The following CHIC1 variants were observed in gnomAD, a reference collection of about 807,000 sequenced individuals.
CHIC1 encodes the protein cysteine-rich hydrophobic domain-containing protein 1.
In CHIC1, 7 loss-of-function variants were observed where a neutral mutation model predicts 18.5. The ratio of observed to expected loss-of-function variants is 0.38; its 90% CI spans 0.22 to 0.71. The LOEUF is 0.71. CHIC1 is among the 30% of genes least tolerant of loss of function. The pLI, the probability that CHIC1 is intolerant of heterozygous loss-of-function variation, is 0.49. For synonymous variants in CHIC1, 77 were observed against 73.5 expected (o/e 1.05, Z -0.25); for missense variants, 159 against 176.9 (o/e 0.90, Z 0.57).
chrX:73,589,569 A>G (rs2057571115), intron 3 of CHIC1, among the ~76,000 whole-genome samples: 1 of 111,070 alleles, frequency 9.0e-6, no homozygotes, highest in Non-Finnish European at 1.9e-5. Flanking sequence ...TATATGTTAT[A>G]TATTGTGTGT....
chrX:73,654,307 C>T (rs1184620817), intron 3 of CHIC1, among the ~76,000 whole-genome samples: 2 of 111,967 alleles, frequency 1.8e-5, no homozygotes, highest in Non-Finnish European at 3.8e-5. Context: ...TATTTTTACT[C>T]TTTTATTCTG....
intron 3 of CHIC1, among the ~76,000 whole-genome samples, chrX:73,644,445 C>T (rs2057877173): frequency 8.9e-6 from 1 of 112,523 alleles, no homozygotes; most frequent in African/African-American, 3.2e-5. Context: ...GCAGAGGTTA[C>T]TGCTGTCTTT....
At chrX:73,627,171 C>G (rs1368470094) in intron 3 of CHIC1, among the ~76,000 whole-genome samples, 2 of 107,211 alleles carry the variant, frequency 1.9e-5, no homozygotes, top group Non-Finnish European at 3.9e-5. Context: ...GTCTTTCTCT[C>G]TCTGTTCTGA....
At chrX:73,673,539 GCTCT>G (rs2058043638) in intron 3 of CHIC1, among the ~76,000 whole-genome samples, 1 of 111,235 alleles carries the variant, frequency 9.0e-6, no homozygotes, top group African/African-American at 3.3e-5. Flanking sequence ...TCATGATTTG[GCTCT>G]CTGTTTGTCT....
intron 3 of CHIC1, among the ~76,000 whole-genome samples, chrX:73,631,181 C>T (rs2057805233): frequency 9.0e-6 from 1 of 111,078 alleles, no homozygotes; most frequent in African/African-American, 3.3e-5. Context: ...TTTTCTTTAT[C>T]TTTTCAAAAA....
At chrX:73,564,204 T>C (rs1403600473) in intron 1 of CHIC1, among the ~76,000 whole-genome samples, 1 of 111,337 alleles carries the variant, frequency 9.0e-6, no homozygotes, top group Non-Finnish European at 1.9e-5. Flanking sequence ...TTACTGGCCC[T>C]GTGACCTTGG....
In CHIC1 at chrX:73,684,121, A is replaced by C. The variant is rs996707610; in HGVS notation, c.*3116A>C. The C allele has an allele frequency of 7.2e-5, 8 of 111,646 alleles. No individual in the cohort carries two copies. Among genetic ancestry groups the C allele is most frequent in the African/African-American group, 2.6e-4 (8 of 30,780 alleles). The allele number at this position is 111,646 out of a possible 1,213,427, so 9.2% of individuals were successfully genotyped here. On this transcript the variant is annotated 3_prime_UTR_variant, in exon 6 of 6. Transcript: ENST00000373502. ...TGTATTATCTTTTATTTATTATGTA[A>C]AGCTTCTTTCCTTCCTTTTCCCCAA...
rs375955931 is a variant in CHIC1, at chrX:73,653,219, G to T, written c.508-26107G>T. Among the ~76,000 whole-genome samples the T allele has an allele frequency of 3.6e-5, 4 of 109,835 alleles. No individual in the cohort carries two copies. In the East Asian group the frequency reaches 1.2e-3, roughly 32 times the overall value. On this transcript the variant is annotated intron_variant, in intron 3 of 5. Transcript: ENST00000373502. ...AGGGGAACAACACACTCTGGGGTCTGTTGGGGGGTGTGGGATGAGGGGAGG... is the reference window on the plus strand; with the variant it reads ...AGGGGAACAACACACTCTGGGGTCTTTTGGGGGGTGTGGGATGAGGGGAGG...
chrX:73,671,749 T>C (rs1603350630), intron 3 of CHIC1, among the ~76,000 whole-genome samples: 1 of 110,660 alleles, frequency 9.0e-6, no homozygotes, highest in African/African-American at 3.3e-5. Flanking sequence ...TTTTATTTTT[T>C]TGTGCTTGTT....
intron 3 of CHIC1, among the ~76,000 whole-genome samples, chrX:73,666,413 G>A (rs1388976508): frequency 8.9e-6 from 1 of 112,142 alleles, no homozygotes; most frequent in African/African-American, 3.2e-5. Flanking sequence ...AGGGTAGGAA[G>A]CATCCAGCAT....
intron 3 of CHIC1, among the ~76,000 whole-genome samples, chrX:73,668,706 G>A (rs890366536): frequency 8.9e-6 from 1 of 111,892 alleles, no homozygotes; most frequent in African/African-American, 3.3e-5. Context: ...AAAGATGGCA[G>A]TCAGCCTATT....
rs189021006 is a variant in CHIC1 at position 73,574,359 on chromosome X, G to A, written c.297-3048G>A. Among the ~76,000 whole-genome samples the A allele has an allele frequency of 1.4e-4, 15 of 110,659 alleles. No individual in the cohort carries two copies. The East Asian group carries it at 4.3e-3, about 31-fold the overall frequency. ...TTTTTTTGAGGATGTTTGTGTCTAT[G>A]TTCGTCAGGGATATGGACCAGTAGT... On this transcript the variant is annotated intron_variant, in intron 1 of 5. Coordinates refer to ENST00000373502, the MANE Select transcript of CHIC1 (RefSeq NM_001039840.4).
At chrX:73,627,048 A>T (rs1381385176) in intron 3 of CHIC1, among the ~76,000 whole-genome samples, 1 of 108,100 alleles carries the variant, frequency 9.3e-6, no homozygotes, top group Admixed American at 9.9e-5. Context: ...GCAGACTCGT[A>T]GAGATACCAC....
chrX:73,616,467 C>T (rs2057733502), intron 3 of CHIC1, among the ~76,000 whole-genome samples: 1 of 112,146 alleles, frequency 8.9e-6, no homozygotes, highest in Admixed American at 9.4e-5. Flanking sequence ...CCTCTTCTCA[C>T]AGCTCCACTA....
chrX:73,575,816 A>G (rs953927840), intron 1 of CHIC1, among the ~76,000 whole-genome samples: 14 of 110,249 alleles, frequency 1.3e-4, no homozygotes, highest in Non-Finnish European at 2.3e-4. Context: ...TTTGTTCCAT[A>G]ATAAATTAAC....
chrX:73,656,116 G>A (rs1214637507), intron 3 of CHIC1, among the ~76,000 whole-genome samples: 1 of 111,686 alleles, frequency 9.0e-6, no homozygotes, highest in Non-Finnish European at 1.9e-5. Flanking sequence ...CCTTTGAGAG[G>A]TGTCTGTTTA....
intron 1 of CHIC1, among the ~76,000 whole-genome samples, chrX:73,570,241 A>T (rs1367439648): frequency 1.8e-5 from 2 of 111,551 alleles, no homozygotes; most frequent in African/African-American, 6.5e-5. Context: ...TTGGGCATTC[A>T]AGGCATTACA....
Position 73,670,640 on chromosome X carries a change from G to A in CHIC1, c.508-8686G>A, listed in dbSNP as rs1176761934. 2.7e-5 allele frequency among the ~76,000 whole-genome samples: 3 copies of A among 110,417 alleles called. No homozygotes were observed. In the Admixed American group the frequency reaches 2.9e-4, roughly 11 times the overall value. On this transcript the variant is annotated intron_variant, in intron 3 of 5. Transcript: ENST00000373502. ...TCATATTCTTTCTTTCAAATCTACT[G>A]TTTTGATGTAGGCATTTATTGCTAT... is the stretch of plus-strand genomic sequence containing the variant.
At chrX:73,634,213 T>C (rs897755213) in intron 3 of CHIC1, among the ~76,000 whole-genome samples, 8 of 112,183 alleles carry the variant, frequency 7.1e-5, no homozygotes, top group African/African-American at 2.6e-4. Flanking sequence ...TGAGCCTAGG[T>C]AGAGATTCCA....
Sources: allele counts gnomAD v4.1 joint callset (sites outside exome capture counted in the v4.1 genomes callset), GRCh38; gene constraint gnomAD v4.1.1; transcripts MANE v1.5; gene names NCBI Gene and HGNC (gene_info 2026-07-23, HGNC 2026-07-21).